EPHA5: variants seen among roughly 807,000 people sequenced by gnomAD.
EPHA5 encodes EPH receptor A5.
Under a neutral mutation model 105.0 loss-of-function variants are expected in EPHA5, and 60 were observed. The observed-to-expected ratio is 0.57, with a 90% CI of 0.46 to 0.71. The LOEUF (loss-of-function observed/expected upper bound fraction) is 0.71. EPHA5 is among the 30% of genes least tolerant of loss of function. The probability of loss-of-function intolerance (pLI) is 0.00; values close to 1 mark genes in which losing one functional copy is unlikely to be tolerated. For missense variants in EPHA5, 1,218 were observed against 1,274.7 expected (o/e 0.96, Z 0.68); for synonymous variants, 513 against 449.1 (o/e 1.14, Z -1.80).
intron 3 of EPHA5, among the ~76,000 whole-genome samples, chr4:65,539,785 G>A (rs1736641555): frequency 6.6e-6 from 1 of 151,460 alleles, no homozygotes; most frequent in Non-Finnish European, 1.5e-5. Context: ...CTGTTACTAT[G>A]AGTAATATTA....
At chr4:65,399,548 C>T (rs1338112579) in intron 8 of EPHA5, among the ~76,000 whole-genome samples, 1 of 152,178 alleles carries the variant, frequency 6.6e-6, no homozygotes, top group African/African-American at 2.4e-5. Flanking sequence ...ATACATAAGG[C>T]CAAGCAGCAT....
At chr4:65,606,989 C>T (rs1170128715) in intron 2 of EPHA5, among the ~76,000 whole-genome samples, 1 of 152,098 alleles carries the variant, frequency 6.6e-6, no homozygotes, top group Non-Finnish European at 1.5e-5. Flanking sequence ...CTTTGAGTCA[C>T]ATATTTTAAA....
intron 8 of EPHA5, among the ~76,000 whole-genome samples, chr4:65,375,384 A>T (rs1366814964): frequency 6.6e-6 from 1 of 151,906 alleles, no homozygotes; most frequent in Non-Finnish European, 1.5e-5. Flanking sequence ...TGGAAGAAAG[A>T]TATTGTCATC....
chr4:65,493,907 T>C (rs1217331417), intron 4 of EPHA5, among the ~76,000 whole-genome samples: 4 of 152,192 alleles, frequency 2.6e-5, no homozygotes, highest in African/African-American at 9.6e-5. Context: ...GAAAGATAAT[T>C]TAAAACATGG....
chr4:65,473,901 G>A (rs1356235961), intron 5 of EPHA5, among the ~76,000 whole-genome samples: 3 of 132,158 alleles, frequency 2.3e-5, no homozygotes, highest in Non-Finnish European at 4.8e-5. Flanking sequence ...TTTTTTGTCT[G>A]AAATAGAAAT....
At chr4:65,398,660 C>T (rs1578015710) in intron 8 of EPHA5, among the ~76,000 whole-genome samples, 1 of 152,172 alleles carries the variant, frequency 6.6e-6, no homozygotes, top group Non-Finnish European at 1.5e-5. Flanking sequence ...CTGGACTCAG[C>T]CAGACTGGGG....
chr4:65,506,942 A>T (rs1315226160), intron 3 of EPHA5, among the ~76,000 whole-genome samples: 2 of 152,182 alleles, frequency 1.3e-5, no homozygotes, highest in Non-Finnish European at 2.9e-5. Flanking sequence ...GTCCTTGCCC[A>T]TGCCTATGTC....
At chr4:65,587,068 T>C (rs1017115528) in intron 3 of EPHA5, among the ~76,000 whole-genome samples, 1 of 152,132 alleles carries the variant, frequency 6.6e-6, no homozygotes. Flanking sequence ...GTGTTCTGCT[T>C]CTTTTCAACT....
At chr4:65,663,029 T>C (rs1749681513) in intron 1 of EPHA5, among the ~76,000 whole-genome samples, 1 of 152,144 alleles carries the variant, frequency 6.6e-6, no homozygotes, top group African/African-American at 2.4e-5. Flanking sequence ...TGCTCACCTA[T>C]AGTATAACTA....
intron 7 of EPHA5, among the ~76,000 whole-genome samples, chr4:65,410,034 T>C (rs1350429857): frequency 1.3e-5 from 2 of 152,188 alleles, no homozygotes; most frequent in African/African-American, 2.4e-5. Flanking sequence ...ACAATTACTA[T>C]ACAATCCAGT....
chr4:65,422,881 T>C (rs138557277), intron 5 of EPHA5, among the ~76,000 whole-genome samples: 32 of 152,186 alleles, frequency 2.1e-4, no homozygotes, highest in African/African-American at 7.5e-4. Flanking sequence ...CTATTAGAAA[T>C]ATATTACATT....
intron 5 of EPHA5, among the ~76,000 whole-genome samples, chr4:65,454,710 A>G (rs531142270): frequency 6.6e-5 from 10 of 152,310 alleles, no homozygotes; most frequent in Admixed American, 2.6e-4. Flanking sequence ...ACTTAAATTG[A>G]CCTGACAGAA....
intron 2 of EPHA5, among the ~76,000 whole-genome samples, chr4:65,609,232 T>A (rs972293939): frequency 6.6e-6 from 1 of 152,190 alleles, no homozygotes; most frequent in Non-Finnish European, 1.5e-5. Flanking sequence ...ACAAAATATA[T>A]CAGCTTTCAG....
At chr4:65,639,537 C>T (rs1160785682) in intron 2 of EPHA5, among the ~76,000 whole-genome samples, 1 of 152,160 alleles carries the variant, frequency 6.6e-6, no homozygotes, top group Non-Finnish European at 1.5e-5. Context: ...TGGCTTTTGA[C>T]AGTTTAACTA....
intron 1 of EPHA5, among the ~76,000 whole-genome samples, chr4:65,644,205 T>TAC (rs5858977): frequency 0.49 from 74,038 of 150,960 alleles, 19,631 homozygotes; most frequent in Middle Eastern, 0.65. Flanking sequence ...TATGAGTATC[T>TAC]ACACACACAC....
chr4:65,384,204 C>T (rs1002196856), intron 8 of EPHA5, among the ~76,000 whole-genome samples: 9 of 151,814 alleles, frequency 5.9e-5, no homozygotes, highest in Admixed American at 2.6e-4. Context: ...CATACTCTCC[C>T]GACCATCTCT....
Position 65,669,734 on chromosome 4 carries a change from G to T in EPHA5, c.9C>A (p.Gly3=), listed in dbSNP as rs1750301941. Residue 3 remains glycine (G), a synonymous_variant, in exon 1 of 17, where the codon GGC becomes GGA. Coordinates refer to ENST00000613740, the MANE Select transcript of EPHA5 (RefSeq NM_001281766.3). The part of the protein sequence containing the change: MR[G]SGPRGAGRRR... ...GGCGTCCCGCACCCCGGGGCCCCGA[G>T]CCCCGCATCTTCTCCGAGCCTCCTC... The T allele has an allele frequency of 7.9e-7, 1 of 1,261,072 alleles. No homozygotes were observed. Among genetic ancestry groups the T allele is most frequent in the African/African-American group, 1.5e-5 (1 of 64,788 alleles). The allele number at this position is 1,261,072 out of a possible 1,614,324, so 78.1% of individuals were successfully genotyped here. A position where few individuals can be genotyped will look rare whatever the true frequency, so the allele number is the denominator to read the frequency against.
intron 3 of EPHA5, among the ~76,000 whole-genome samples, chr4:65,576,932 G>C (rs988527325): frequency 6.6e-6 from 1 of 152,034 alleles, no homozygotes; most frequent in African/African-American, 2.4e-5. Context: ...ATGTCTATCA[G>C]TTTGAGTGAC....
chr4:65,357,338 T>C (rs1723398962), intron 11 of EPHA5, among the ~76,000 whole-genome samples: 1 of 151,454 alleles, frequency 6.6e-6, no homozygotes, highest in Non-Finnish European at 1.5e-5. Context: ...TCTCTGAATA[T>C]TAAGGCTGTT....
Sources: allele counts gnomAD v4.1 joint callset (sites outside exome capture counted in the v4.1 genomes callset), GRCh38; gene constraint gnomAD v4.1.1; transcripts MANE v1.5; gene names NCBI Gene and HGNC (gene_info 2026-07-23, HGNC 2026-07-21).